MTCH2: variants seen among roughly 807,000 people sequenced by gnomAD.
The protein encoded by MTCH2 is mitochondrial carrier 2.
Under a neutral mutation model 50.6 loss-of-function variants are expected in MTCH2, and 25 were observed. That is an observed-to-expected ratio of 0.49 (90% CI 0.36 to 0.69). The LOEUF is 0.69. Among genes scored for constraint, MTCH2 ranks in the 30% least tolerant of loss-of-function variants. MTCH2 has a pLI of 0.00. For missense variants in MTCH2, 273 were observed against 384.4 expected (o/e 0.71, Z 2.42); for synonymous variants, 106 against 132.0 (o/e 0.80, Z 1.35).
Position 47,631,095 on chromosome 11 carries a change from A to T in MTCH2, c.428-8T>A. The T allele has an allele frequency of 6.2e-7, 1 of 1,610,824 alleles. No individual in the cohort carries two copies. The highest frequency in any genetic ancestry group is 8.5e-7 in the Non-Finnish European group (1 of 1,177,262). The stretch of plus-strand genomic sequence containing the variant: ...TAGATCTCAGAGTGATCACTGTGGA[A>T]TATAGAGAAAAGATGTTTACAACTA... On this transcript the variant is annotated splice_polypyrimidine_tract_variant and splice_region_variant and intron_variant, in intron 6 of 12. Transcript: ENST00000302503.
At chr11:47,635,520 T>A (rs762997782) in intron 4 of MTCH2, 25 bp downstream of exon 4, 15 of 1,612,472 alleles carry the variant, frequency 9.3e-6, no homozygotes, top group African/African-American at 1.3e-5. Context: ...AAGGCCCTCA[T>A]GCTTAGAAAT....
At chr11:47,631,233 GC>G in intron 6 of MTCH2, 146 bp from the exon 7 acceptor site, 1 of 603,270 alleles carries the variant, frequency 1.7e-6, no homozygotes, top group Non-Finnish European at 2.9e-6. Context: ...ATATGATGAA[GC>G]CCCATCTCTA....
chr11:47,621,828 G>T (rs995269207), intron 12 of MTCH2, among the ~76,000 whole-genome samples: 1 of 151,930 alleles, frequency 6.6e-6, no homozygotes, highest in Non-Finnish European at 1.5e-5. Flanking sequence ...AGCCTCCTGA[G>T]TAACTGGAAC....
chr11:47,616,996 T>C (rs775837737), downstream of MTCH2, among the ~76,000 whole-genome samples: 6 of 152,204 alleles, frequency 3.9e-5, no homozygotes, highest in Non-Finnish European at 8.8e-5. Flanking sequence ...ATGTGTTTCT[T>C]AATGGCACCT....
intron 12 of MTCH2, among the ~76,000 whole-genome samples, chr11:47,619,830 A>C (rs1479156333): frequency 6.6e-6 from 1 of 152,092 alleles, no homozygotes; most frequent in African/African-American, 2.4e-5. Flanking sequence ...TAATCTCAGC[A>C]CTTTGGGAGG....
intron 3 of MTCH2, among the ~76,000 whole-genome samples, chr11:47,636,558 C>G (rs2097308767): frequency 1.3e-5 from 2 of 149,708 alleles, no homozygotes; most frequent in Admixed American, 6.7e-5. Context: ...ATGGCGAAAC[C>G]CCCTCTCTAC....
chr11:47,629,327 C>T (rs1238028513), intron 8 of MTCH2: 1 of 338,840 alleles, frequency 3.0e-6, no homozygotes, highest in East Asian at 5.2e-5. Context: ...AGCAGGGAGG[C>T]AAAAGATTTG....
At chr11:47,619,729 T>A (rs1194508114) in intron 12 of MTCH2, among the ~76,000 whole-genome samples, 1 of 151,990 alleles carries the variant, frequency 6.6e-6, no homozygotes, top group African/African-American at 2.4e-5. Context: ...TCACTTGAGC[T>A]CAGGAATTTG....
intron 8 of MTCH2, among the ~76,000 whole-genome samples, chr11:47,629,983 G>A (rs2097301552): frequency 6.6e-6 from 1 of 151,876 alleles, no homozygotes; most frequent in South Asian, 2.1e-4. Context: ...GTAGAAACTT[G>A]GAATTAAGTC....
rs140836301 is a variant in MTCH2 at position 47,638,775 on chromosome 11, C to T, written c.203G>A (p.Arg68His). The stretch of plus-strand genomic sequence containing the variant: ...TGGAGTTAAGCCTGTGAACAACCCG[C>T]GCCTCCCATCGATACTGGCAATGTG... ...AQHIASIDGR[R>H]GLFTGLTPRL... The change falls in exon 3 of 13, where the codon CGC becomes CAC. Residue 68 changes from arginine (R) to histidine (H), a missense_variant. This residue lies in a region of MTCH2 where 203 missense variants were observed against 244.3 expected (regional missense o/e 0.83). Transcript: ENST00000302503. The T allele has an allele frequency of 3.6e-4, 583 of 1,614,166 alleles. 1 individual carries two copies. In the African/African-American group the frequency reaches 6.0e-3, roughly 17 times the overall value.
At chr11:47,633,142 C>G (rs1394345153) in intron 5 of MTCH2, among the ~76,000 whole-genome samples, 4 of 133,298 alleles carry the variant, frequency 3.0e-5, no homozygotes, top group Non-Finnish European at 1.6e-5. Flanking sequence ...GAGGGAGTCT[C>G]GCTGTCTCCC....
At position 47,617,683 on chromosome 11, in the gene MTCH2, T is replaced by C. The variant is rs2097289429; in HGVS notation, c.*1150A>G. On this transcript the variant is annotated 3_prime_UTR_variant, in exon 13 of 13. Transcript: ENST00000302503. ...ATTTTAGAGCATTTTAACCTGCTTT[T>C]TAGAAGGCCTGAGTAAACAGAAGCT... 6.6e-6 allele frequency: 1 copy of C among 152,594 alleles called. No homozygotes were observed. Among genetic ancestry groups the C allele is most frequent in the Admixed American group, 6.5e-5 (1 of 15,282 alleles). The allele number at this position is 152,594 out of a possible 1,614,324, so 9.5% of individuals were successfully genotyped here.
the MTCH2 span, among the ~76,000 whole-genome samples, chr11:47,607,729 C>T: frequency 3.9e-5 from 6 of 152,080 alleles, no homozygotes; most frequent in African/African-American, 7.2e-5. Flanking sequence ...GTGGAGAGCC[C>T]GTCGGAGAGG....
chr11:47,629,758 A>AC (rs1231939550), intron 8 of MTCH2, among the ~76,000 whole-genome samples: 1 of 151,934 alleles, frequency 6.6e-6, no homozygotes, highest in African/African-American at 2.4e-5. Flanking sequence ...AATTAAAAAA[A>AC]AAAAAACAAA....
chr11:47,617,277 A>T (rs1428029970), downstream of MTCH2: 1 of 152,222 alleles, frequency 6.6e-6, no homozygotes, highest in Non-Finnish European at 1.5e-5. Context: ...AGGAATAGGC[A>T]AGCATGAAAG....
the MTCH2 span, among the ~76,000 whole-genome samples, chr11:47,606,010 CTTTT>C: frequency 6.6e-6 from 1 of 152,112 alleles, no homozygotes; most frequent in Non-Finnish European, 1.5e-5. Context: ...CCCTTTTCTT[CTTTT>C]TTGTCAGGGT....
downstream of MTCH2, among the ~76,000 whole-genome samples, chr11:47,614,985 T>G (rs1163665722): frequency 6.8e-6 from 1 of 146,652 alleles, no homozygotes; most frequent in Non-Finnish European, 1.5e-5. Flanking sequence ...CTGCTGCACT[T>G]AGACCAGCCA....
At chr11:47,626,978 T>C (rs2097298794) in intron 10 of MTCH2, 102 bp downstream of exon 10, 1 of 855,326 alleles carries the variant, frequency 1.2e-6, no homozygotes, top group Non-Finnish European at 1.8e-6. Flanking sequence ...CAGTGAGACA[T>C]CTGGTTATCT....
intron 8 of MTCH2, among the ~76,000 whole-genome samples, chr11:47,630,071 C>A (rs542305239): frequency 6.6e-6 from 1 of 152,118 alleles, no homozygotes; most frequent in East Asian, 1.9e-4. Flanking sequence ...CTCTGTCACC[C>A]GGGCTGGAGT....
Sources: allele counts gnomAD v4.1 joint callset (sites outside exome capture counted in the v4.1 genomes callset), GRCh38; gene constraint gnomAD v4.1.1; regional missense constraint gnomAD v4.1.1; transcripts MANE v1.5; gene names NCBI Gene and HGNC (gene_info 2026-07-23, HGNC 2026-07-21).